Variants in BAHCC1 observed in about 807,000 individuals in gnomAD.
BAHCC1 encodes the protein BAH domain and coiled-coil containing 1.
Under a neutral mutation model 88.2 loss-of-function variants are expected in BAHCC1, and 43 were observed. The ratio of observed to expected loss-of-function variants is 0.49; its 90% confidence interval spans 0.38 to 0.63. The LOEUF is 0.63. Among genes scored for constraint, BAHCC1 ranks in the 20% least tolerant of loss-of-function variants. The pLI is 0.00. For missense variants in BAHCC1, 3,023 were observed against 1,654.8 expected, an observed-to-expected ratio of 1.83 and a Z score of -14.34; for synonymous variants, 1,510 against 745.5, an observed-to-expected ratio of 2.03 and a Z score of -16.71.
chr17:81,424,032 G>A (rs1017403217), intron 2 of BAHCC1, among the ~76,000 whole-genome samples: 1 of 152,224 alleles, frequency 6.6e-6, no homozygotes. Flanking sequence ...CCCAGTCGGG[G>A]CCCAGCCCCA....
At chr17:81,427,873 C>T (rs2064218838) in intron 3 of BAHCC1, among the ~76,000 whole-genome samples, 2 of 152,200 alleles carry the variant, frequency 1.3e-5, no homozygotes, top group African/African-American at 2.4e-5. Flanking sequence ...CGGACCCACA[C>T]ACCACGCCAC....
Position 81,438,929 on chromosome 17 carries a change from G to A in BAHCC1, c.481+437G>A, listed in dbSNP as rs1324990437. Among the ~76,000 whole-genome samples the A allele has an allele frequency of 2.6e-5, 4 of 152,088 alleles. No homozygotes were observed. In the East Asian group the frequency reaches 5.8e-4, roughly 22 times the overall value. On this transcript the variant is annotated intron_variant, in intron 4 of 27. Transcript: ENST00000675386. The stretch of plus-strand genomic sequence containing the variant: ...CACTTCCTGGCTTACACACCCGGTG[G>A]CCTCGGCTAGACCTGGGCTGCACGA...
At position 81,447,863 on chromosome 17, in the gene BAHCC1, T is replaced by C; in HGVS notation, c.3976+15T>C. 1 of 720,280 alleles carries C rather than the reference T, an allele frequency of 1.4e-6. No individual in the cohort carries two copies. The highest frequency in any genetic ancestry group is 1.5e-5 in the South Asian group (1 of 67,880). The allele number at this position is 720,280 out of a possible 1,614,324, so 44.6% of individuals were successfully genotyped here. A position where few individuals can be genotyped will look rare whatever the true frequency, so the allele number is the denominator to read the frequency against. On this transcript the variant is annotated intron_variant, in intron 11 of 27. Coordinates refer to ENST00000675386, the MANE Select transcript of BAHCC1 (RefSeq NM_001377448.1). ...GACTGTGCCAGGTAAGCCCGGTGGT[T>C]GCCGCCACCCCCCAGAGTCCCAGCA...
Position 81,399,940 on chromosome 17 carries a change from C to A in BAHCC1, c.178+23C>A. On this transcript the variant is annotated intron_variant, in intron 2 of 27. Transcript: ENST00000675386. The surrounding 1 kb of genome is among the most constrained non-coding windows in gnomAD (Gnocchi z 4.5). The stretch of plus-strand genomic sequence containing the variant: ...CAGGTCAGTGCTCGGCCGGGGCGGG[C>A]GCGGGACGGGAGCGTTCGAGAGCGG... 7.5e-7 allele frequency: 1 copy of A among 1,338,918 alleles called. No individual in the cohort carries two copies. The highest frequency in any genetic ancestry group is 9.6e-7 in the Non-Finnish European group (1 of 1,042,422). 82.9% of individuals were successfully genotyped at this position (1,338,918 alleles called of 1,614,324 possible). A position where few individuals can be genotyped will look rare whatever the true frequency, so the allele number is the denominator to read the frequency against.
At chr17:81,403,178 C>T (rs367743881) in intron 2 of BAHCC1, among the ~76,000 whole-genome samples, 1 of 152,190 alleles carries the variant, frequency 6.6e-6, no homozygotes, top group East Asian at 1.9e-4. Context: ...TGGGGAGAGG[C>T]CCACATAGAC....
intron 3 of BAHCC1, among the ~76,000 whole-genome samples, chr17:81,428,534 C>A (rs997624984): frequency 2.0e-5 from 3 of 152,196 alleles, no homozygotes; most frequent in African/African-American, 7.2e-5. Context: ...GAAGTGGCAC[C>A]AGCCCATCCC....
At chr17:81,433,504 C>G (rs1568011719) in intron 3 of BAHCC1, among the ~76,000 whole-genome samples, 1 of 150,898 alleles carries the variant, frequency 6.6e-6, no homozygotes. Flanking sequence ...CATCAGTCCA[C>G]CGAGGTCCCT....
In BAHCC1 at chr17:81,459,324, A is replaced by G. The variant is rs368844981; in HGVS notation, c.5792A>G (p.Glu1931Gly). The G allele has an allele frequency of 9.2e-5, 72 of 778,756 alleles. No individual in the cohort carries two copies. Among genetic ancestry groups the G allele is most frequent in the Non-Finnish European group, 1.6e-4 (68 of 417,604 alleles). The allele number at this position is 778,756 out of a possible 1,614,324, so 48.2% of individuals were successfully genotyped here. Residue 1931 changes from glutamate (E) to glycine (G), a missense_variant, in exon 22 of 28, where the codon GAA (glutamate) becomes GGA (glycine). Glu to Gly is a moderately conservative substitution (Grantham distance 98). Coordinates refer to ENST00000675386, the MANE Select transcript of BAHCC1 (RefSeq NM_001377448.1). ...TACTCACTGGAGCAGCTGCTGCAGGAAGCGGTGAGGACCGGGCCGGCCCGC... is the reference window on the plus strand; with the variant it reads ...TACTCACTGGAGCAGCTGCTGCAGGGAGCGGTGAGGACCGGGCCGGCCCGC... ...RIYSLEQLLQ[E>G]AVLDVRPQSS...
rs1401110071 is a variant in BAHCC1 at position 81,457,417 on chromosome 17, C to T, written c.4866C>T (p.Gly1622=). The T allele has an allele frequency of 3.9e-6, 3 of 769,918 alleles. No individual in the cohort carries two copies. Among genetic ancestry groups the T allele is most frequent in the Non-Finnish European group, 7.2e-6 (3 of 413,824 alleles). The allele number at this position is 769,918 out of a possible 1,614,324, so 47.7% of individuals were successfully genotyped here. A position where few individuals can be genotyped will look rare whatever the true frequency, so the allele number is the denominator to read the frequency against. ...CCTCTGCCTCTCTCCCAGGCAGTGG[C>T]TATGACAGTGAGGACTGCGAGGGTC... ...SVAASQEAGS[G]YDSEDCEGLL... Residue 1622 remains glycine (G), a synonymous_variant, in exon 17 of 28, where the codon GGC becomes GGT. Transcript: ENST00000675386.
chr17:81,439,253 T>C (rs2064378947), intron 4 of BAHCC1, among the ~76,000 whole-genome samples: 2 of 152,274 alleles, frequency 1.3e-5, no homozygotes, highest in African/African-American at 4.8e-5. Flanking sequence ...TTTTAAAAAG[T>C]TCTCCTTGGG....
intron 2 of BAHCC1, among the ~76,000 whole-genome samples, chr17:81,424,733 GTGGTGA>G: frequency 6.6e-6 from 1 of 151,688 alleles, no homozygotes; most frequent in East Asian, 1.9e-4. Context: ...TTGTGTGGTG[GTGGTGA>G]TGGTGATGTA....
At chr17:81,444,342 C>G (rs1555653615) in intron 6 of BAHCC1, 39 bp from the exon 7 acceptor site, 1 of 710,840 alleles carries the variant, frequency 1.4e-6, no homozygotes, top group South Asian at 1.5e-5. Context: ...GGAGCTGGGC[C>G]TTGGCGCCGG....
At chr17:81,446,448 C>T (rs1555654339) in intron 10 of BAHCC1, among the ~76,000 whole-genome samples, 3 of 150,260 alleles carry the variant, frequency 2.0e-5, no homozygotes, top group Non-Finnish European at 4.4e-5. Flanking sequence ...ACCCCCAGCC[C>T]CGGCAGCCAG....
rs1464948742 is a variant in BAHCC1 at position 81,461,878 on chromosome 17, C to G, written c.7215C>G (p.Gly2405=). Residue 2405 remains glycine, a synonymous_variant, in exon 26 of 28, where the codon GGC becomes GGG. Coordinates refer to ENST00000675386, the MANE Select transcript of BAHCC1 (RefSeq NM_001377448.1). ...ATVAGTGAGS[G]PSSSSKSKLK... is the part of the protein sequence containing the mutation. ...TGGCTGGCACCGGTGCGGGCTCAGG[C>G]CCCAGCAGCAGCAGCAAATCCAAGC... 2.8e-6 allele frequency: 2 copies of G among 727,194 alleles called. No individual in the cohort carries two copies. Among genetic ancestry groups the G allele is most frequent in the Non-Finnish European group, 5.1e-6 (2 of 391,316 alleles). 45.0% of individuals were successfully genotyped at this position (727,194 alleles called of 1,614,324 possible).
intron 2 of BAHCC1, among the ~76,000 whole-genome samples, chr17:81,425,861 G>GATA (rs797042516): frequency 1.4e-5 from 2 of 146,194 alleles, no homozygotes; most frequent in East Asian, 2.1e-4. Flanking sequence ...GGTTGGTGGT[G>GATA]GTGGTGGGTG....
In BAHCC1 at chr17:81,458,874, TCGA is replaced by T; in HGVS notation, c.5515_5517del (p.Asp1839del). 1 of 774,380 alleles carries T rather than the reference TCGA, an allele frequency of 1.3e-6. No homozygotes were observed. Among genetic ancestry groups the T allele is most frequent in the Non-Finnish European group, 2.4e-6 (1 of 414,176 alleles). The allele number at this position is 774,380 out of a possible 1,614,324, so 48.0% of individuals were successfully genotyped here. On this transcript the variant is annotated inframe_deletion, in exon 20 of 28. Transcript: ENST00000675386. ...TTCGCCGTGGAGGAAGACTTTGAGT[TCGA>T]CGACAACAGCAGCTTCTCGGAAGAG...
At chr17:81,396,484 G>A (rs934702644) in intron 1 of BAHCC1, 5 of 152,064 alleles carry the variant, frequency 3.3e-5, no homozygotes, top group African/African-American at 1.2e-4. Flanking sequence ...GAGCGGGTGC[G>A]GCTGTTTCGC....
Position 81,408,559 on chromosome 17 carries a change from CG to C in BAHCC1, c.178+8644del, listed in dbSNP as rs1329161360. ...CCCTGCCACCCTGGAGTTCTGATCC[CG>C]GCGTCACATCCTCTCAGAGCCCCCG... On this transcript the variant is annotated intron_variant, in intron 2 of 27. Coordinates refer to ENST00000675386, the MANE Select transcript of BAHCC1 (RefSeq NM_001377448.1). Among the ~76,000 whole-genome samples, 7 of 152,246 alleles carry C rather than the reference CG, an allele frequency of 4.6e-5. No individual in the cohort carries two copies. The East Asian group carries it at 1.4e-3, about 29-fold the overall frequency.
intron 3 of BAHCC1, among the ~76,000 whole-genome samples, chr17:81,427,196 C>T (rs896015530): frequency 1.3e-5 from 2 of 152,136 alleles, no homozygotes; most frequent in Non-Finnish European, 2.9e-5. Flanking sequence ...CGGCAGTGGT[C>T]CTGGCCAGAT....
Sources: gnomAD v4.1 joint callset for allele counts (sites outside exome capture counted in the v4.1 genomes callset) on GRCh38, gnomAD v4.1.1 for gene constraint, Gnocchi (gnomAD v3.1) non-coding constraint, MANE v1.5 for transcripts, NCBI Gene and HGNC (gene_info 2026-07-23, HGNC 2026-07-21) for gene names.